Variants in RGS5 observed in about 807,000 individuals in gnomAD.
The protein encoded by RGS5 is regulator of G-protein signalling 5.
RGS5 carries 20 observed loss-of-function variants against 18.9 expected under a neutral mutation model. The observed-to-expected ratio is 1.06, with a 90% CI of 0.74 to 1.54. RGS5 has a LOEUF of 1.54. Among genes scored for constraint, RGS5 ranks in the 40% most tolerant of loss-of-function variants. The pLI, the probability that RGS5 is intolerant of heterozygous loss-of-function variation, is 0.00. For missense variants in RGS5, 201 were observed against 211.8 expected, an observed-to-expected ratio of 0.95 and a Z score of 0.32; for synonymous variants, 57 against 76.2, an observed-to-expected ratio of 0.75 and a Z score of 1.31.
chr1:163,147,918 C>CTTTTTTTTTTTTTT (rs534448527), intron 4 of RGS5, among the ~76,000 whole-genome samples: 93 of 78,086 alleles, frequency 1.2e-3, no homozygotes, highest in African/African-American at 3.8e-3. Context: ...TTTTCTTTTT[C>CTTTTTTTTTTTTTT]TTTTTTTTTT....
chr1:163,235,434 G>T (rs1184907859), intron 2 of RGS5, among the ~76,000 whole-genome samples: 1 of 152,178 alleles, frequency 6.6e-6, no homozygotes, highest in Admixed American at 6.5e-5. Flanking sequence ...GGAATAACTG[G>T]TCTATAGGAA....
At chr1:163,283,722 T>C (rs191927640) in intron 2 of RGS5, among the ~76,000 whole-genome samples, 1,546 of 152,324 alleles carry the variant, frequency 0.01, 11 homozygotes, top group Middle Eastern at 0.031. Flanking sequence ...TGAATTAAGC[T>C]GCCATGTTGT....
chr1:163,199,831 G>A (rs887514785), intron 1 of RGS5, among the ~76,000 whole-genome samples: 3 of 152,006 alleles, frequency 2.0e-5, no homozygotes, highest in Admixed American at 1.3e-4. Flanking sequence ...TTTAGAGACA[G>A]GCTCTTGCTC....
intron 2 of RGS5, among the ~76,000 whole-genome samples, chr1:163,262,728 G>T (rs1336417129): frequency 6.8e-6 from 1 of 146,902 alleles, no homozygotes; most frequent in South Asian, 2.3e-4. Context: ...CTGAGGAATC[G>T]CCACACTGAC....
intron 2 of RGS5, chr1:163,238,100 AAG>A (rs1647678652): frequency 6.4e-6 from 1 of 156,038 alleles, no homozygotes; most frequent in South Asian, 2.0e-4. Context: ...ACAGAAATAA[AAG>A]AGGATTATCT....
chr1:163,316,126 C>T (rs1219253755), intron 1 of RGS5, among the ~76,000 whole-genome samples: 3 of 152,094 alleles, frequency 2.0e-5, no homozygotes, highest in Non-Finnish European at 4.4e-5. Context: ...AAAAGCATTA[C>T]GCATTTTTAC....
chr1:163,263,867 C>A (rs1012248136), intron 2 of RGS5, among the ~76,000 whole-genome samples: 2 of 151,086 alleles, frequency 1.3e-5, no homozygotes, highest in African/African-American at 4.9e-5. Context: ...ACTAGATGCT[C>A]CATGCCTTAT....
intron 2 of RGS5, among the ~76,000 whole-genome samples, chr1:163,298,521 T>C (rs114982410): frequency 0.022 from 3,374 of 152,142 alleles, 43 homozygotes; most frequent in African/African-American, 0.03. Flanking sequence ...TCTATACAAG[T>C]TGCAGGGGAG....
rs537533563 is a variant in RGS5 at position 163,307,453 on chromosome 1, T to A, written c.-377-1124A>T. Among the ~76,000 whole-genome samples the A allele has an allele frequency of 1.1e-4, 16 of 152,162 alleles. No individual in the cohort carries two copies. In the South Asian group the frequency reaches 2.9e-3, roughly 28 times the overall value. On this transcript the variant is annotated intron_variant, in intron 1 of 5. Coordinates refer to the RGS5 transcript ENST00000618415. ...GAAATATCAAATCATGTAGAAAAAG[T>A]CCCTCATTTTACTAAGCAGGAATCA...
intron 2 of RGS5, among the ~76,000 whole-genome samples, chr1:163,279,727 A>G (rs999740426): frequency 6.6e-6 from 1 of 151,960 alleles, no homozygotes; most frequent in Non-Finnish European, 1.5e-5. Flanking sequence ...AAAATGAAAA[A>G]TTGGATTTTT....
intron 2 of RGS5, among the ~76,000 whole-genome samples, chr1:163,289,844 C>T (rs756496745): frequency 2.6e-5 from 4 of 152,142 alleles, no homozygotes; most frequent in Admixed American, 6.5e-5. Context: ...AAAGCAGCCC[C>T]CAAATAATTT....
chr1:163,253,007 T>C (rs996838218), intron 2 of RGS5, among the ~76,000 whole-genome samples: 3 of 152,210 alleles, frequency 2.0e-5, no homozygotes, highest in African/African-American at 4.8e-5. Context: ...TCATCTGTGA[T>C]GAAAGTGTTG....
At chr1:163,259,354 C>A (rs906140397) in intron 2 of RGS5, among the ~76,000 whole-genome samples, 3 of 149,990 alleles carry the variant, frequency 2.0e-5, no homozygotes, top group Non-Finnish European at 4.4e-5. Context: ...TCAGTAGAGA[C>A]GGGGTTTCAC....
At chr1:163,254,031 T>A (rs971386467) in intron 2 of RGS5, among the ~76,000 whole-genome samples, 2 of 151,022 alleles carry the variant, frequency 1.3e-5, no homozygotes, top group African/African-American at 2.4e-5. Context: ...GTGCCACATT[T>A]TCTTAATCCA....
intron 1 of RGS5, among the ~76,000 whole-genome samples, chr1:163,308,059 C>T (rs1649752950): frequency 6.6e-6 from 1 of 152,144 alleles, no homozygotes; most frequent in South Asian, 2.1e-4. Context: ...AGTTCCTAAA[C>T]CCAGAGATCC....
intron 2 of RGS5, among the ~76,000 whole-genome samples, chr1:163,274,208 C>T (rs1648793472): frequency 6.6e-6 from 1 of 152,026 alleles, no homozygotes; most frequent in Non-Finnish European, 1.5e-5. Flanking sequence ...CAGAGTGGGA[C>T]TACCAGATAG....
chr1:163,226,079 C>G (rs1273415568), intron 2 of RGS5, among the ~76,000 whole-genome samples: 1 of 152,092 alleles, frequency 6.6e-6, no homozygotes, highest in Non-Finnish European at 1.5e-5. Context: ...AGCCACTATG[C>G]CCAGCTAATT....
chr1:163,216,580 C>A (rs1354426815), intron 1 of RGS5, among the ~76,000 whole-genome samples: 5 of 152,116 alleles, frequency 3.3e-5, no homozygotes, highest in Non-Finnish European at 5.9e-5. Context: ...AGATTTATAA[C>A]CTGTCAGCAA....
intron 2 of RGS5, among the ~76,000 whole-genome samples, chr1:163,262,200 A>T (rs1322176730): frequency 1.6e-5 from 2 of 125,660 alleles, no homozygotes; most frequent in Admixed American, 8.4e-5. Context: ...GTACATGTGC[A>T]CATTGTGCAG....
Sources: gnomAD v4.1 joint callset for allele counts (sites outside exome capture counted in the v4.1 genomes callset) on GRCh38, gnomAD v4.1.1 for gene constraint, MANE v1.5 for transcripts, NCBI Gene and HGNC (gene_info 2026-07-23, HGNC 2026-07-21) for gene names.